CHD6: variants seen among roughly 807,000 people sequenced by gnomAD.
The protein encoded by CHD6 is ATP-dependent chromatin remodeler CHD6.
CHD6 carries 50 observed loss-of-function variants against 276.9 expected under a neutral mutation model. The observed-to-expected ratio is 0.18, with a 90% CI of 0.14 to 0.23. The LOEUF (loss-of-function observed/expected upper bound fraction) is 0.23, where lower values mean the gene tolerates loss of function less well. CHD6 is among the 10% of genes least tolerant of loss of function. The probability of loss-of-function intolerance (pLI) is 1.00; values close to 1 mark genes in which losing one functional copy is unlikely to be tolerated. For missense variants in CHD6, 2,564 were observed against 3,365.8 expected (o/e 0.76, Z 5.89); for synonymous variants, 1,173 against 1,229.3 (o/e 0.95, Z 0.96).
chr20:41,435,039 G>C (rs1325208892), intron 27 of CHD6, among the ~76,000 whole-genome samples: 1 of 151,906 alleles, frequency 6.6e-6, no homozygotes, highest in Non-Finnish European at 1.5e-5. Context: ...GATTATAACA[G>C]AATCAAACTA....
intron 28 of CHD6, 74 bp from the exon 29 acceptor site, chr20:41,425,468 T>A: frequency 7.1e-7 from 1 of 1,400,354 alleles, no homozygotes; most frequent in Non-Finnish European, 9.9e-7. Flanking sequence ...TGGTTTTGTT[T>A]AAATAAAAAC....
Position 41,421,028 on chromosome 20 carries a change from T to C in CHD6, c.5607A>G (p.Glu1869=), listed in dbSNP as rs762309882. 1.2e-6 allele frequency: 2 copies of C among 1,613,866 alleles called. No individual in the cohort carries two copies. The highest frequency in any genetic ancestry group is 1.7e-4 in the Middle Eastern group (1 of 6,058). ...LSQNHSDEEE[E]EEENEEENLA... ...AGTTTTCCTCCTCGTTTTCCTCCTC[T>C]TCTTCCTCCTCATCACTGTGGTTCT... The change falls in exon 31 of 37, where the codon GAA becomes GAG. Residue 1869 remains glutamate (E), a synonymous_variant. Coordinates refer to ENST00000373233, the MANE Select transcript of CHD6 (RefSeq NM_032221.5).
chr20:41,543,856 T>TA lies in CHD6; in HGVS notation c.33+7448dup, dbSNP rs73623235. Among the ~76,000 whole-genome samples the TA allele has an allele frequency of 1.4e-4, 21 of 152,340 alleles. 1 individual carries two copies. In the East Asian group the frequency reaches 3.5e-3, roughly 25 times the overall value. On this transcript the variant is annotated intron_variant, in intron 2 of 36. Coordinates refer to ENST00000373233, the MANE Select transcript of CHD6 (RefSeq NM_032221.5). ...AAGTTCATGATAAAGTTACAAACCA[T>TA]ATCAAAATGAAAAAGACGTTCCTGT...
chr20:41,615,251 CTGT>C (rs1276392489), intron 1 of CHD6, among the ~76,000 whole-genome samples: 1 of 151,880 alleles, frequency 6.6e-6, no homozygotes. Flanking sequence ...TTTCCCAACT[CTGT>C]AGCCCCAGTA....
chr20:41,420,712 T>C lies in CHD6; in HGVS notation c.5923A>G (p.Ile1975Val). The C allele has an allele frequency of 1.2e-6, 2 of 1,614,236 alleles. No homozygotes were observed. Among genetic ancestry groups the C allele is most frequent in the Non-Finnish European group, 1.7e-6 (2 of 1,180,046 alleles). The change falls in exon 31 of 37, where the codon ATC (isoleucine) becomes GTC (valine). Residue 1975 changes from isoleucine (I) to valine (V), a missense_variant. Physicochemically the swap from Ile to Val is conservative, Grantham distance 29 (BLOSUM62 3). Transcript: ENST00000373233. ...GCAGTGGGTTCACCCTCCATGGCGA[T>C]AGTATTGGTTTTACTTTTGAACAGA... ...PDLFKSKTNT[I>V]AMEGEPTAIP...
At chr20:41,505,011 C>A (rs530530469) in intron 5 of CHD6, among the ~76,000 whole-genome samples, 10 of 152,242 alleles carry the variant, frequency 6.6e-5, no homozygotes, top group South Asian at 4.1e-4. Context: ...TGGGTCAGGA[C>A]TGAGTTACTG....
intron 2 of CHD6, among the ~76,000 whole-genome samples, chr20:41,537,580 T>C (rs2044860281): frequency 6.6e-6 from 1 of 152,094 alleles, no homozygotes; most frequent in Non-Finnish European, 1.5e-5. Context: ...GGAGAAAATA[T>C]TTGCAAATCA....
chr20:41,428,899 A>G, intron 27 of CHD6, among the ~76,000 whole-genome samples: 1 of 152,202 alleles, frequency 6.6e-6, no homozygotes. Context: ...TAAGTGTGAA[A>G]GTATACACAA....
At chr20:41,454,787 A>G (rs2048335458) in intron 19 of CHD6, 51 bp from the exon 20 acceptor site, 2 of 1,259,826 alleles carry the variant, frequency 1.6e-6, no homozygotes. Context: ...AATACAAACT[A>G]ATAAAACACC....
intron 1 of CHD6, among the ~76,000 whole-genome samples, chr20:41,607,185 C>G (rs1307723703): frequency 1.3e-5 from 2 of 152,210 alleles, no homozygotes; most frequent in Non-Finnish European, 2.9e-5. Flanking sequence ...GCTCTCCAAA[C>G]TCACAAACAC....
At chr20:41,505,675 C>T (rs530646175) in intron 5 of CHD6, among the ~76,000 whole-genome samples, 6 of 152,052 alleles carry the variant, frequency 3.9e-5, no homozygotes, top group East Asian at 3.9e-4. Flanking sequence ...CTCTTATTAC[C>T]GGAGCAGTCT....
chr20:41,414,802 T>C (rs1466163509), intron 34 of CHD6: 1 of 1,124,714 alleles, frequency 8.9e-7, no homozygotes, highest in East Asian at 4.3e-5. Context: ...TAGCCCTGAC[T>C]CCTGTTCTTT....
At chr20:41,504,161 C>T (rs1427060289) in intron 5 of CHD6, among the ~76,000 whole-genome samples, 2 of 148,600 alleles carry the variant, frequency 1.3e-5, no homozygotes, top group Non-Finnish European at 3.0e-5. Context: ...TATGCTTTTA[C>T]CTTTTGCTCT....
chr20:41,552,203 G>C (rs2045157450), intron 1 of CHD6, among the ~76,000 whole-genome samples: 1 of 152,160 alleles, frequency 6.6e-6, no homozygotes, highest in Non-Finnish European at 1.5e-5. Flanking sequence ...AAGGATTATA[G>C]AATCTCAGGC....
chr20:41,613,161 C>T (rs2045904955), intron 1 of CHD6, among the ~76,000 whole-genome samples: 1 of 152,092 alleles, frequency 6.6e-6, no homozygotes, highest in Non-Finnish European at 1.5e-5. Flanking sequence ...AGGAAGAACT[C>T]CACTAAAAAT....
At chr20:41,568,348 A>G (rs1354466592) in intron 1 of CHD6, among the ~76,000 whole-genome samples, 1 of 152,258 alleles carries the variant, frequency 6.6e-6, no homozygotes, top group Non-Finnish European at 1.5e-5. Context: ...AATTTATGGT[A>G]AGGAACAAAG....
At chr20:41,460,689 C>T (rs116341412) in intron 17 of CHD6, among the ~76,000 whole-genome samples, 5,814 of 152,314 alleles carry the variant, frequency 0.038, 127 homozygotes, top group Middle Eastern at 0.065. Context: ...ATGCAAATGC[C>T]TGGATGTCCA....
intron 5 of CHD6, among the ~76,000 whole-genome samples, chr20:41,504,208 A>G (rs2043918468): frequency 6.6e-6 from 1 of 150,850 alleles, no homozygotes; most frequent in Non-Finnish European, 1.5e-5. Context: ...TGCTTCAGAA[A>G]TTTTCCATTG....
Position 41,533,372 on chromosome 20 carries a change from A to C in CHD6, c.232T>G (p.Ser78Ala), listed in dbSNP as rs750005817. Reference protein sequence around the residue: ...AATLFPRKMTSHNGMEDSGGG... With the variant: ...AATLFPRKMTAHNGMEDSGGG... ...CCACTGTCCTCCATCCCATTATGGG[A>C]TGTCATTTTCCTAGGAAAAAGGGTA... The change falls in exon 3 of 37, where the codon TCC (serine) becomes GCC (alanine). Residue 78 changes from serine (S) to alanine (A), a missense_variant. Physicochemically the swap from Ser to Ala is moderately conservative, Grantham distance 99. Transcript: ENST00000373233. The C allele has an allele frequency of 6.2e-7, 1 of 1,613,902 alleles. No homozygotes were observed. The highest frequency in any genetic ancestry group is 8.5e-7 in the Non-Finnish European group (1 of 1,179,984).
Sources: allele counts gnomAD v4.1 joint callset (sites outside exome capture counted in the v4.1 genomes callset), GRCh38; gene constraint gnomAD v4.1.1; transcripts MANE v1.5; gene names NCBI Gene and HGNC (gene_info 2026-07-23, HGNC 2026-07-21).